Variants in VDAC1 observed in about 807,000 individuals in gnomAD.
VDAC1 encodes voltage dependent anion channel 1, also known as non-selective voltage-gated ion channel VDAC1.
VDAC1 carries 10 observed loss-of-function variants against 34.7 expected under a neutral mutation model. That is an observed-to-expected ratio of 0.29 (90% CI 0.18 to 0.49). The LOEUF (loss-of-function observed/expected upper bound fraction) is 0.49, where lower values mean the gene tolerates loss of function less well. Ranked by LOEUF, VDAC1 falls within the 20% of genes least tolerant of loss-of-function variation. The pLI, the probability that VDAC1 is intolerant of heterozygous loss-of-function variation, is 0.99. For synonymous variants in VDAC1, 130 were observed against 136.0 expected (o/e 0.96, Z 0.30); for missense variants, 230 against 347.9 (o/e 0.66, Z 2.69).
the VDAC1 span, among the ~76,000 whole-genome samples, chr5:134,085,722 T>TTAAAAAAAAAAA: frequency 2.3e-5 from 1 of 44,224 alleles, no homozygotes; most frequent in Non-Finnish European, 3.7e-5. Context: ...ACCCCATTTC[T>TTAAAAAAAAAAA]AAAAAAAAAA....
chr5:133,995,165 A>G (rs1753250883), intron 1 of VDAC1, among the ~76,000 whole-genome samples: 1 of 152,192 alleles, frequency 6.6e-6, no homozygotes, highest in African/African-American at 2.4e-5. Context: ...TTACCACCCA[A>G]GGACAAGGCA....
upstream of VDAC1, among the ~76,000 whole-genome samples, chr5:134,006,760 A>C (rs1202675010): frequency 5.0e-5 from 6 of 120,258 alleles, no homozygotes; most frequent in African/African-American, 9.2e-5. Context: ...AAAAAAAAAA[A>C]CAAAAAAAAA....
chr5:134,061,800 ATGTTGAG>A, the VDAC1 span, among the ~76,000 whole-genome samples: 1 of 151,726 alleles, frequency 6.6e-6, no homozygotes, highest in Non-Finnish European at 1.5e-5. Flanking sequence ...ATCTAGCACA[ATGTTGAG>A]TGGTATCAGT....
At chr5:133,999,129 A>G (rs1188326555) in intron 1 of VDAC1, among the ~76,000 whole-genome samples, 1 of 152,248 alleles carries the variant, frequency 6.6e-6, no homozygotes, top group Non-Finnish European at 1.5e-5. Context: ...TGGGCAATAC[A>G]GTGAGACCCT....
At chr5:133,990,324 T>C (rs1753058864) in intron 5 of VDAC1, among the ~76,000 whole-genome samples, 1 of 152,148 alleles carries the variant, frequency 6.6e-6, no homozygotes, top group Non-Finnish European at 1.5e-5. Context: ...CTGGCAACAG[T>C]GACCAGTTAG....
At chr5:134,007,302 G>T (rs569604960), upstream of VDAC1, among the ~76,000 whole-genome samples, 1 of 152,116 alleles carries the variant, frequency 6.6e-6, no homozygotes, top group South Asian at 2.1e-4. Context: ...AGGCTCAGAG[G>T]CACATGTGGG....
chr5:134,076,679 G>A, the VDAC1 span, among the ~76,000 whole-genome samples: 2 of 152,056 alleles, frequency 1.3e-5, no homozygotes, highest in Non-Finnish European at 2.9e-5. Flanking sequence ...CTCAAGACAC[G>A]GCCCTCCTCC....
the VDAC1 span, among the ~76,000 whole-genome samples, chr5:134,055,592 T>TTTG: frequency 1.4e-4 from 5 of 35,232 alleles, no homozygotes; most frequent in East Asian, 3.5e-3. Context: ...GCTAATGTTT[T>TTTG]TTTTTTTTTT....
chr5:134,031,341 C>G, the VDAC1 span, among the ~76,000 whole-genome samples: 1 of 152,082 alleles, frequency 6.6e-6, no homozygotes, highest in Admixed American at 6.6e-5. Flanking sequence ...ATACTGACCC[C>G]CAAAGATATA....
At chr5:133,990,964 G>A (rs183523975) in intron 4 of VDAC1, 38 bp downstream of exon 4, 31 of 1,607,888 alleles carry the variant, frequency 1.9e-5, no homozygotes, top group Admixed American at 3.3e-5. Context: ...TGGCAGATGC[G>A]AATTAATAAA....
the VDAC1 span, among the ~76,000 whole-genome samples, chr5:134,061,763 T>C: frequency 6.6e-6 from 1 of 151,820 alleles, no homozygotes; most frequent in Non-Finnish European, 1.5e-5. Context: ...GAATTTCTTT[T>C]TCTCATCTTA....
chr5:134,095,831 A>G, the VDAC1 span, among the ~76,000 whole-genome samples: 4 of 152,216 alleles, frequency 2.6e-5, no homozygotes, highest in Admixed American at 2.0e-4. Context: ...GTAAATGCTC[A>G]ATGGCCACAT....
chr5:134,097,260 AT>A, the VDAC1 span, among the ~76,000 whole-genome samples: 4 of 152,220 alleles, frequency 2.6e-5, no homozygotes, highest in Non-Finnish European at 4.4e-5. Context: ...TGGTTTTGAA[AT>A]TAATTTACAA....
chr5:134,002,379 C>A (rs1346891192), intron 1 of VDAC1, among the ~76,000 whole-genome samples: 1 of 152,160 alleles, frequency 6.6e-6, no homozygotes, highest in Non-Finnish European at 1.5e-5. Context: ...CACAGGCAGG[C>A]ACCCTACTCA....
rs775224948 is a variant in VDAC1 at position 133,973,847 on chromosome 5, G to A, written c.704C>T (p.Ala235Val). 4.3e-6 allele frequency: 7 copies of A among 1,612,362 alleles called. No individual in the cohort carries two copies. The highest frequency in any genetic ancestry group is 5.9e-6 in the Non-Finnish European group (7 of 1,179,532). The change falls in exon 8 of 9, where the codon GCT becomes GTT. Residue 235 changes from alanine (A) to valine (V), a missense_variant and splice_region_variant. Coordinates refer to ENST00000265333, the MANE Select transcript of VDAC1 (RefSeq NM_003374.3). ...TATCAGGCTGGAGTTGTTCACTTTA[G>A]CCTAATCAAGGAAATGACAAAACAG... ...YQIDPDACFS[A>V]KVNNSSLIGL... is the part of the protein sequence containing the mutation.
At chr5:134,019,544 TGATGCAGCCTGG>T in the VDAC1 span, among the ~76,000 whole-genome samples, 1 of 152,116 alleles carries the variant, frequency 6.6e-6, no homozygotes, top group Admixed American at 6.6e-5. Context: ...CGTACCACTG[TGATGCAGCCTGG>T]GTGACAGAGC....
At chr5:134,014,601 C>G in the VDAC1 span, among the ~76,000 whole-genome samples, 3 of 152,176 alleles carry the variant, frequency 2.0e-5, no homozygotes, top group Admixed American at 1.3e-4. Context: ...AGTGCGGTGG[C>G]TCACACCTGT....
At chr5:134,050,210 T>C in the VDAC1 span, among the ~76,000 whole-genome samples, 1 of 152,068 alleles carries the variant, frequency 6.6e-6, no homozygotes, top group Admixed American at 6.6e-5. Context: ...GATCACGCCA[T>C]TGCACTCTAG....
chr5:134,009,555 C>A (rs1196922086), upstream of VDAC1, among the ~76,000 whole-genome samples: 2 of 151,942 alleles, frequency 1.3e-5, no homozygotes, highest in East Asian at 3.9e-4. Context: ...CTGCACCCAG[C>A]CAGAATTGAT....
Sources: gnomAD v4.1 joint callset for allele counts (sites outside exome capture counted in the v4.1 genomes callset) on GRCh38, gnomAD v4.1.1 for gene constraint, MANE v1.5 for transcripts, NCBI Gene and HGNC (gene_info 2026-07-23, HGNC 2026-07-21) for gene names.